Variants in MYO5B observed in about 807,000 individuals in gnomAD.
MYO5B encodes myosin VB.
MYO5B carries 143 observed loss-of-function variants against 229.3 expected under a neutral mutation model. The ratio of observed to expected loss-of-function variants is 0.62; its 90% confidence interval spans 0.54 to 0.72. The LOEUF (loss-of-function observed/expected upper bound fraction) is 0.72, where lower values mean the gene tolerates loss of function less well. Ranked by LOEUF, MYO5B falls within the 30% of genes least tolerant of loss-of-function variation. The pLI is 0.00. For synonymous variants in MYO5B, 918 were observed against 885.2 expected (o/e 1.04, Z -0.66); for missense variants, 2,321 against 2,331.0 (o/e 1.00, Z 0.09).
At chr18:49,952,125 C>T (rs1057330278) in intron 14 of MYO5B, among the ~76,000 whole-genome samples, 11 of 152,220 alleles carry the variant, frequency 7.2e-5, no homozygotes, top group African/African-American at 2.7e-4. Context: ...TCCCTAAACC[C>T]CTCACCACGT....
At position 49,904,712 on chromosome 18, in the gene MYO5B, G is replaced by T. The variant is rs1428978974; in HGVS notation, c.2531C>A (p.Ala844Asp). The change falls in exon 20 of 40, where the codon GCC (alanine) becomes GAC (aspartate). Residue 844 changes from alanine to aspartate, a missense_variant. Physicochemically the swap from Ala to Asp is moderately radical, Grantham distance 126 (BLOSUM62 -2). This residue lies in a region of MYO5B where 2,113 missense variants were observed against 2,044.7 expected (regional missense o/e 1.03). Transcript: ENST00000285039. ...RVRRAAVVIQ[A>D]FTRAMFVRRT... ...CCGCACAAACATGGCCCGGGTGAAG[G>T]CCTGGATAACAACGGCAGCTCTGCG... 6 of 1,614,118 alleles carry T rather than the reference G, an allele frequency of 3.7e-6. No individual in the cohort carries two copies. Among genetic ancestry groups the T allele is most frequent in the Non-Finnish European group, 4.2e-6 (5 of 1,180,044 alleles).
chr18:50,031,061 G>A (rs1219617694), intron 4 of MYO5B, among the ~76,000 whole-genome samples: 2 of 152,142 alleles, frequency 1.3e-5, no homozygotes, highest in South Asian at 2.1e-4. Context: ...CTACTTGGGG[G>A]ACCAGAATCT....
chr18:50,102,924 T>C (rs2031683273), intron 1 of MYO5B, among the ~76,000 whole-genome samples: 1 of 152,132 alleles, frequency 6.6e-6, no homozygotes, highest in Admixed American at 6.5e-5. Flanking sequence ...GGAGTCCTTT[T>C]TTTTTTCTTC....
At chr18:49,913,030 T>G (rs2024975081) in intron 17 of MYO5B, among the ~76,000 whole-genome samples, 1 of 152,174 alleles carries the variant, frequency 6.6e-6, no homozygotes, top group South Asian at 2.1e-4. Context: ...AGGAACCATT[T>G]TTCTCCCCAA....
chr18:49,955,447 C>G (rs887378618), intron 12 of MYO5B, among the ~76,000 whole-genome samples: 15 of 152,172 alleles, frequency 9.9e-5, no homozygotes, highest in African/African-American at 3.4e-4. Flanking sequence ...TGACGGGTCA[C>G]TAACTGACCT....
chr18:50,077,266 G>A (rs113045183), intron 1 of MYO5B, among the ~76,000 whole-genome samples: 18 of 148,838 alleles, frequency 1.2e-4, no homozygotes, highest in East Asian at 4.1e-4. Context: ...GAAACCTAAC[G>A]TCTGCTCTAT....
intron 14 of MYO5B, among the ~76,000 whole-genome samples, chr18:49,943,392 T>C (rs954315532): frequency 1.3e-4 from 20 of 152,188 alleles, no homozygotes; most frequent in Admixed American, 1.0e-3. Context: ...TCTTCATGCA[T>C]GGCATTTCAA....
intron 4 of MYO5B, among the ~76,000 whole-genome samples, chr18:50,008,095 A>G (rs148276314): frequency 8.7e-4 from 132 of 152,304 alleles, no homozygotes; most frequent in African/African-American, 3.0e-3. Context: ...TCCTTCCTGT[A>G]TAATAAAGCA....
intron 2 of MYO5B, among the ~76,000 whole-genome samples, chr18:50,044,035 A>T (rs1386175254): frequency 6.6e-6 from 1 of 152,170 alleles, no homozygotes; most frequent in Non-Finnish European, 1.5e-5. Context: ...ACCTATGGCA[A>T]TAAAAAATTT....
chr18:50,063,064 C>T (rs1340428204), intron 1 of MYO5B, among the ~76,000 whole-genome samples: 1 of 152,052 alleles, frequency 6.6e-6, no homozygotes, highest in Non-Finnish European at 1.5e-5. Flanking sequence ...GGACTCAGGC[C>T]CTGGGAGTGA....
At chr18:49,942,545 G>A (rs1359530118) in intron 14 of MYO5B, among the ~76,000 whole-genome samples, 1 of 152,084 alleles carries the variant, frequency 6.6e-6, no homozygotes, top group Non-Finnish European at 1.5e-5. Context: ...CCATCAAAAA[G>A]TGGGCGCAGG....
At chr18:50,124,703 CT>C (rs575920035) in intron 1 of MYO5B, among the ~76,000 whole-genome samples, 36 of 152,210 alleles carry the variant, frequency 2.4e-4, no homozygotes, top group South Asian at 2.3e-3. Context: ...TCTTTCCCCC[CT>C]GGTGCCCTTC....
Position 49,872,158 on chromosome 18 carries a change from G to GA in MYO5B, c.3603+8dup. 6.2e-7 allele frequency: 1 copy of GA among 1,613,750 alleles called. No individual in the cohort carries two copies. ...GTGTTCCAGGAAGCCTGTCCCCCAA[G>GA]AATCTTACCTTCAGACTATTGTAGG... On this transcript the variant is annotated intron_variant, in intron 27 of 39. Coordinates refer to ENST00000285039, the MANE Select transcript of MYO5B (RefSeq NM_001080467.3).
At chr18:50,054,538 G>T (rs529815903) in intron 2 of MYO5B, among the ~76,000 whole-genome samples, 1 of 152,312 alleles carries the variant, frequency 6.6e-6, no homozygotes, top group East Asian at 1.9e-4. Flanking sequence ...TATAGGGTGA[G>T]CATCCATTAT....
intron 1 of MYO5B, among the ~76,000 whole-genome samples, chr18:50,181,776 C>T (rs1487701594): frequency 6.6e-6 from 1 of 152,150 alleles, no homozygotes; most frequent in Non-Finnish European, 1.5e-5. Context: ...CATAGTCACA[C>T]ACATACACAC....
At chr18:50,079,075 T>C (rs77411044) in intron 1 of MYO5B, among the ~76,000 whole-genome samples, 5,758 of 152,306 alleles carry the variant, frequency 0.038, 359 homozygotes, top group African/African-American at 0.13. Flanking sequence ...GGGAAGGGCA[T>C]AGTGACTGCA....
intron 22 of MYO5B, among the ~76,000 whole-genome samples, chr18:49,881,145 A>G (rs2024581503): frequency 6.6e-6 from 1 of 152,142 alleles, no homozygotes; most frequent in African/African-American, 2.4e-5. Context: ...TCCCACATTC[A>G]TCCCCTTTTG....
At chr18:50,024,787 C>T (rs2026313001) in intron 4 of MYO5B, among the ~76,000 whole-genome samples, 1 of 152,144 alleles carries the variant, frequency 6.6e-6, no homozygotes. Context: ...GAGAGGTTCC[C>T]TGACTTCCCG....
In MYO5B at chr18:50,171,395, A is replaced by C. The variant is rs568668188; in HGVS notation, c.27+23372T>G. On this transcript the variant is annotated intron_variant, in intron 1 of 39. Coordinates refer to ENST00000285039, the MANE Select transcript of MYO5B (RefSeq NM_001080467.3). ...TGAAGAAGTCAGGAAGGGCTTATAG[A>C]GAAGCTGCAATTTGACCTTGGTCTC... Among the ~76,000 whole-genome samples the C allele has an allele frequency of 4.9e-4, 62 of 127,428 alleles. 16 individuals are homozygous for C. The highest frequency in any genetic ancestry group is 1.7e-3 in the African/African-American group (58 of 33,590). 83.6% of individuals were successfully genotyped at this position (127,428 alleles called of 152,430 possible).
Sources: allele counts gnomAD v4.1 joint callset (sites outside exome capture counted in the v4.1 genomes callset), GRCh38; gene constraint gnomAD v4.1.1; regional missense constraint gnomAD v4.1.1; transcripts MANE v1.5; gene names NCBI Gene and HGNC (gene_info 2026-07-23, HGNC 2026-07-21).